TLR6: variants seen among roughly 807,000 people sequenced by gnomAD.
TLR6 encodes toll-like receptor 6.
Under a neutral mutation model 16.1 loss-of-function variants are expected in TLR6, and 9 were observed. That is an observed-to-expected ratio of 0.56 (90% CI 0.34 to 0.98). The LOEUF is 0.98. TLR6 is among the 50% of genes least tolerant of loss of function. TLR6 has a pLI of 0.02. For synonymous variants in TLR6, 340 were observed against 338.6 expected (o/e 1.00, Z -0.04); for missense variants, 786 against 921.0 (o/e 0.85, Z 1.90).
intron 1 of TLR6, among the ~76,000 whole-genome samples, chr4:38,836,832 C>T (rs1174290605): frequency 6.6e-6 from 1 of 151,448 alleles, no homozygotes; most frequent in Non-Finnish European, 1.5e-5. Context: ...CCCAGCTACT[C>T]AGGAGGCCGA....
chr4:38,861,610 G>C (rs1713195079), upstream of TLR6, among the ~76,000 whole-genome samples: 1 of 152,132 alleles, frequency 6.6e-6, no homozygotes, highest in Non-Finnish European at 1.5e-5. Context: ...AATATAGTTG[G>C]AGAAAATACA....
At chr4:38,838,232 C>A (rs772265945) in intron 1 of TLR6, among the ~76,000 whole-genome samples, 1 of 152,156 alleles carries the variant, frequency 6.6e-6, no homozygotes, top group African/African-American at 2.4e-5. Flanking sequence ...AATCCAGCAA[C>A]CCCACTTCTG....
At chr4:38,866,705 A>C in the TLR6 span, among the ~76,000 whole-genome samples, 1 of 152,220 alleles carries the variant, frequency 6.6e-6, no homozygotes, top group Admixed American at 6.5e-5. Context: ...AATTTACAAA[A>C]TACGTCAACA....
intron 1 of TLR6, among the ~76,000 whole-genome samples, chr4:38,837,652 A>G (rs1712002762): frequency 6.6e-6 from 1 of 152,208 alleles, no homozygotes; most frequent in Non-Finnish European, 1.5e-5. Flanking sequence ...CTACTAAGAG[A>G]AAACAGAAGA....
exon 2 of TLR6, chr4:38,825,307 A>G (rs1318389949): frequency 6.6e-6 from 1 of 152,132 alleles, no homozygotes; most frequent in African/African-American, 2.4e-5. Context: ...TTTAACAGCA[A>G]TCTCACACCT....
At chr4:38,829,505 CT>C in exon 2 of TLR6, 1 of 1,384,218 alleles carries the variant, frequency 7.2e-7, no homozygotes, top group Non-Finnish European at 1.0e-6. Context: ...AAGGGTTGTT[CT>C]TCTTCAGAGC....
At chr4:38,838,613 G>C (rs1005959351) in intron 1 of TLR6, among the ~76,000 whole-genome samples, 6 of 152,128 alleles carry the variant, frequency 3.9e-5, no homozygotes, top group African/African-American at 1.4e-4. Context: ...ATGAAGAGAG[G>C]TTGGTTAATG....
At chr4:38,848,966 A>T (rs1712654563) in intron 1 of TLR6, among the ~76,000 whole-genome samples, 1 of 152,316 alleles carries the variant, frequency 6.6e-6, no homozygotes, top group South Asian at 2.1e-4. Context: ...CAACTCCAAG[A>T]CACATAATTG....
At chr4:38,862,561 G>T in the TLR6 span, among the ~76,000 whole-genome samples, 32 of 145,216 alleles carry the variant, frequency 2.2e-4, no homozygotes, top group African/African-American at 8.2e-4. Context: ...GATTACAGGC[G>T]TGTGCCACCA....
chr4:38,830,496 C>T (rs1047208206), intron 1 of TLR6, among the ~76,000 whole-genome samples: 9 of 152,156 alleles, frequency 5.9e-5, no homozygotes, highest in Admixed American at 2.0e-4. Flanking sequence ...AGGTGGATTG[C>T]TTGAGTCCAG....
upstream of TLR6, among the ~76,000 whole-genome samples, chr4:38,861,787 C>T (rs1351951935): frequency 5.9e-5 from 9 of 152,142 alleles, no homozygotes; most frequent in Non-Finnish European, 1.3e-4. Context: ...CTTCTCGTGT[C>T]TAGGTCCTCT....
intron 1 of TLR6, among the ~76,000 whole-genome samples, chr4:38,839,112 A>G (rs115042677): frequency 0.19 from 19,935 of 103,812 alleles, 3,344 homozygotes; most frequent in African/African-American, 0.46. Flanking sequence ...GGGGAGGCAA[A>G]GGGAGGGGAG....
Position 38,827,862 on chromosome 4 carries a change from T to C in TLR6, c.1612A>G (p.Arg538Gly), listed in dbSNP as rs754637312. ...TGGTCTATATTTTTGACAAATTCTC[T>C]TAGCTCACAGGTACATTGGAATGGA... Residue 538 changes from arginine (R) to glycine (G), a missense_variant, in exon 2 of 2, where the codon AGA becomes GGA. Transcript: ENST00000436693. The C allele has an allele frequency of 3.7e-5, 59 of 1,614,094 alleles. No homozygotes were observed. The East Asian group carries it at 4.5e-4, about 12-fold the overall frequency.
chr4:38,843,234 A>G (rs988323027), intron 1 of TLR6, among the ~76,000 whole-genome samples: 1 of 152,230 alleles, frequency 6.6e-6, no homozygotes, highest in East Asian at 1.9e-4. Flanking sequence ...GAGACAAAGG[A>G]CTGGAACTGC....
intron 1 of TLR6, among the ~76,000 whole-genome samples, chr4:38,837,390 T>C (rs1711983602): frequency 6.6e-6 from 1 of 152,084 alleles, no homozygotes; most frequent in Admixed American, 6.5e-5. Context: ...CATAGACCAA[T>C]AGAACAGAAT....
chr4:38,850,669 G>C (rs1019838891), intron 1 of TLR6, among the ~76,000 whole-genome samples: 3 of 152,174 alleles, frequency 2.0e-5, no homozygotes, highest in African/African-American at 4.8e-5. Context: ...ACTCTCCCAA[G>C]ACTAAACCAG....
chr4:38,854,191 C>T (rs1579262042), intron 1 of TLR6, among the ~76,000 whole-genome samples: 1 of 152,050 alleles, frequency 6.6e-6, no homozygotes. Context: ...TAAAACAGCA[C>T]GTTAAATCAA....
chr4:38,863,315 C>T, the TLR6 span, among the ~76,000 whole-genome samples: 13 of 152,306 alleles, frequency 8.5e-5, no homozygotes, highest in South Asian at 6.2e-4. Context: ...CAGTCTCCTT[C>T]TGGGTCCTCT....
chr4:38,828,741 G>C (rs767569387), exon 2 of TLR6: 2 of 1,613,648 alleles, frequency 1.2e-6, no homozygotes, highest in African/African-American at 2.7e-5. Context: ...CCTCTGGTGA[G>C]TTCTGATAAA....
Sources: gnomAD v4.1 joint callset for allele counts (sites outside exome capture counted in the v4.1 genomes callset) on GRCh38, gnomAD v4.1.1 for gene constraint, MANE v1.5 for transcripts, NCBI Gene and HGNC (gene_info 2026-07-23, HGNC 2026-07-21) for gene names.